The following GRM5 variants were observed in gnomAD, a reference collection of about 807,000 sequenced individuals.
GRM5 encodes glutamate metabotropic receptor 5, also known as metabotropic glutamate receptor 5.
Under a neutral mutation model 83.1 loss-of-function variants are expected in GRM5, and 19 were observed. That is an observed-to-expected ratio of 0.23 (90% confidence interval 0.16 to 0.34). The LOEUF is 0.34. Ranked by LOEUF, GRM5 falls within the 10% of genes least tolerant of loss-of-function variation. The probability of loss-of-function intolerance (pLI) is 1.00; values close to 1 mark genes in which losing one functional copy is unlikely to be tolerated. For missense variants in GRM5, 1,160 were observed against 1,588.3 expected (o/e 0.73, Z 4.58); for synonymous variants, 675 against 633.6 (o/e 1.07, Z -0.98).
chr11:88,676,067 C>T (rs914717898), intron 3 of GRM5, among the ~76,000 whole-genome samples: 6 of 151,972 alleles, frequency 3.9e-5, no homozygotes, highest in African/African-American at 1.2e-4. Flanking sequence ...CAAGGGGGAT[C>T]ATTAGGAAAG....
chr11:88,526,070 A>G (rs373272624), intron 8 of GRM5, among the ~76,000 whole-genome samples: 5 of 152,244 alleles, frequency 3.3e-5, no homozygotes, highest in African/African-American at 1.2e-4. Context: ...GACATTGGCA[A>G]TAACAGAGGA....
At chr11:88,595,945 T>C (rs765291772) in intron 6 of GRM5, among the ~76,000 whole-genome samples, 1 of 152,230 alleles carries the variant, frequency 6.6e-6, no homozygotes, top group Non-Finnish European at 1.5e-5. Context: ...TTTATTTTAA[T>C]AGCTTCAACT....
intron 2 of GRM5, among the ~76,000 whole-genome samples, chr11:89,015,029 T>C (rs1424975661): frequency 6.6e-6 from 1 of 152,120 alleles, no homozygotes; most frequent in Non-Finnish European, 1.5e-5. Flanking sequence ...CATAAATCAA[T>C]GAAATCATAT....
intron 2 of GRM5, among the ~76,000 whole-genome samples, chr11:88,930,173 C>T (rs1937658507): frequency 1.3e-5 from 2 of 151,604 alleles, no homozygotes; most frequent in African/African-American, 4.9e-5. Flanking sequence ...ACTTGGGAGG[C>T]GGAAGAGAAA....
chr11:88,830,860 T>G (rs577710858), intron 3 of GRM5, among the ~76,000 whole-genome samples: 1 of 152,040 alleles, frequency 6.6e-6, no homozygotes, highest in South Asian at 2.1e-4. Context: ...ATCACGAAGG[T>G]AGGCAAGGAA....
At chr11:88,605,642 A>G (rs1045082395) in intron 4 of GRM5, among the ~76,000 whole-genome samples, 2 of 152,232 alleles carry the variant, frequency 1.3e-5, no homozygotes, top group African/African-American at 4.8e-5. Flanking sequence ...AACTTGTCCA[A>G]TAACAGAGAT....
chr11:88,653,277 T>C lies in GRM5; in HGVS notation c.1038A>G (p.Pro346=), dbSNP rs1400126122. The stretch of plus-strand genomic sequence containing the variant: ...ACCAAGGGTTTCGGTGGTTTGTTTC[T>C]GGCCGGAGCTTCAGATAATAATCAT... ...WFDDYYLKLR[P]ETNHRNPWFQ... Residue 346 remains proline, a synonymous_variant, in exon 4 of 10, where the codon CCA becomes CCG. Coordinates refer to ENST00000305447, the MANE Select transcript of GRM5 (RefSeq NM_001143831.3). 6.2e-7 allele frequency: 1 copy of C among 1,613,234 alleles called. No individual in the cohort carries two copies. Among genetic ancestry groups the C allele is most frequent in the Admixed American group, 1.7e-5 (1 of 59,890 alleles).
intron 3 of GRM5, among the ~76,000 whole-genome samples, chr11:88,783,108 AT>A (rs913775233): frequency 2.6e-5 from 4 of 152,116 alleles, no homozygotes; most frequent in African/African-American, 9.7e-5. Flanking sequence ...ATTTAAATCA[AT>A]TATTTCCTAA....
At chr11:88,748,248 G>C (rs1351420253) in intron 3 of GRM5, among the ~76,000 whole-genome samples, 1 of 152,126 alleles carries the variant, frequency 6.6e-6, no homozygotes, top group Non-Finnish European at 1.5e-5. Context: ...CAGAGACTGG[G>C]AGTTTTACAT....
chr11:88,800,842 G>A lies in GRM5; in HGVS notation c.911+49064C>T, dbSNP rs544011257. Among the ~76,000 whole-genome samples, 61 of 152,200 alleles carry A rather than the reference G, an allele frequency of 4.0e-4. 1 individual carries two copies. Among genetic ancestry groups the A allele is most frequent in the African/African-American group, 1.4e-3 (60 of 41,536 alleles). Reference sequence around the variant, plus strand: ...TCCAGTGTGGCCATGAGGATCAATTGTGATAAATGTGAAAATAACAGCAAT... The same window carrying A: ...TCCAGTGTGGCCATGAGGATCAATTATGATAAATGTGAAAATAACAGCAAT... On this transcript the variant is annotated intron_variant, in intron 3 of 9. Coordinates refer to ENST00000305447, the MANE Select transcript of GRM5 (RefSeq NM_001143831.3).
At chr11:88,788,823 G>A (rs1943120084) in intron 3 of GRM5, among the ~76,000 whole-genome samples, 1 of 152,158 alleles carries the variant, frequency 6.6e-6, no homozygotes. Context: ...TACATTAAGT[G>A]GAAGATGTGA....
intron 8 of GRM5, among the ~76,000 whole-genome samples, chr11:88,551,366 T>C (rs2135147236): frequency 6.6e-6 from 1 of 152,292 alleles, no homozygotes; most frequent in South Asian, 2.1e-4. Context: ...TCTGACTTCA[T>C]TCTTGGTCTC....
intron 2 of GRM5, among the ~76,000 whole-genome samples, chr11:89,018,516 T>A (rs189293707): frequency 0.034 from 5,172 of 152,306 alleles, 270 homozygotes; most frequent in African/African-American, 0.12. Context: ...TCAATATTTT[T>A]AAAAATTTAT....
chr11:89,042,881 T>C (rs527252830), intron 2 of GRM5, among the ~76,000 whole-genome samples: 1 of 147,042 alleles, frequency 6.8e-6, no homozygotes, highest in East Asian at 1.9e-4. Flanking sequence ...AGACCATATC[T>C]TCAATAATGT....
At chr11:89,057,202 C>T (rs1298724450) in intron 1 of GRM5, among the ~76,000 whole-genome samples, 2 of 152,132 alleles carry the variant, frequency 1.3e-5, no homozygotes, top group Non-Finnish European at 2.9e-5. Flanking sequence ...TCATCACAAA[C>T]AGTCAGGGCT....
At chr11:88,882,560 CAAA>C (rs35899523) in intron 2 of GRM5, among the ~76,000 whole-genome samples, 3 of 123,150 alleles carry the variant, frequency 2.4e-5, no homozygotes, top group Non-Finnish European at 1.7e-5. Context: ...GACTCTGTCT[CAAA>C]AAAAAAAAAA....
chr11:88,834,148 C>T (rs1030677698), intron 3 of GRM5, among the ~76,000 whole-genome samples: 5 of 152,068 alleles, frequency 3.3e-5, no homozygotes, highest in South Asian at 2.1e-4. Flanking sequence ...ATGATAAATA[C>T]GTGAGGTGAT....
intron 3 of GRM5, among the ~76,000 whole-genome samples, chr11:88,667,730 T>A (rs10765690): frequency 0.86 from 130,384 of 151,850 alleles, 57,670 homozygotes; most frequent in Non-Finnish European, 0.98. Flanking sequence ...CGTCTCTACT[T>A]AAAAAACACA....
At position 88,654,556 on chromosome 11, in the gene GRM5, A is replaced by G. The variant is rs1398345318; in HGVS notation, c.912-1153T>C. ...CTCAAAGAGAGAAGAGAAGGAATAT[A>G]GAGAGATTTAAGGGGAAGAACAGAC... On this transcript the variant is annotated intron_variant, in intron 3 of 9. Transcript: ENST00000305447. Among the ~76,000 whole-genome samples the G allele has an allele frequency of 2.0e-5, 3 of 152,054 alleles. No homozygotes were observed. In the East Asian group the frequency reaches 5.8e-4, roughly 29 times the overall value.
Sources: gnomAD v4.1 joint callset for allele counts (sites outside exome capture counted in the v4.1 genomes callset) on GRCh38, gnomAD v4.1.1 for gene constraint, MANE v1.5 for transcripts, NCBI Gene and HGNC (gene_info 2026-07-23, HGNC 2026-07-21) for gene names.